FAT3: variants seen among roughly 807,000 people sequenced by gnomAD.
The protein encoded by FAT3 is FAT atypical cadherin 3, also known as protocadherin Fat 3.
Under a neutral mutation model 310.2 loss-of-function variants are expected in FAT3, and 95 were observed. The observed-to-expected ratio is 0.31, with a 90% CI of 0.26 to 0.36. The LOEUF is 0.36. Ranked by LOEUF, FAT3 falls within the 10% of genes least tolerant of loss-of-function variation. The probability of loss-of-function intolerance (pLI) is 1.00; values close to 1 mark genes in which losing one functional copy is unlikely to be tolerated. For synonymous variants in FAT3, 2,314 were observed against 2,192.9 expected, an observed-to-expected ratio of 1.06 and a Z score of -1.54; for missense variants, 5,408 against 5,715.6, an observed-to-expected ratio of 0.95 and a Z score of 1.74.
intron 3 of FAT3, among the ~76,000 whole-genome samples, chr11:92,549,576 A>G (rs1264519284): frequency 6.8e-6 from 1 of 147,742 alleles, no homozygotes; most frequent in Non-Finnish European, 1.5e-5. Flanking sequence ...CTTAAGGTAC[A>G]GGTTGATGAT....
chr11:92,733,837 G>A (rs1033986109), intron 4 of FAT3, among the ~76,000 whole-genome samples: 2 of 152,176 alleles, frequency 1.3e-5, no homozygotes, highest in African/African-American at 2.4e-5. Context: ...CAATAGAGAT[G>A]ATTGTTTAGG....
chr11:92,353,153 A>G lies in FAT3; in HGVS notation c.1041A>G (p.Ala347=), dbSNP rs777332804. 3.0e-5 allele frequency: 49 copies of G among 1,613,602 alleles called. 1 individual carries two copies. The South Asian group carries it at 5.3e-4, about 17-fold the overall frequency. ...FPYGYNLTLQ[A]KDKGSPQKCS... The stretch of plus-strand genomic sequence containing the variant: ...ATGGCTACAATCTCACTCTTCAAGC[A>G]AAAGACAAGGGATCTCCTCAAAAAT... The change falls in exon 2 of 28, where the codon GCA becomes GCG. Residue 347 remains alanine (A), a synonymous_variant. Transcript: ENST00000525166.
intron 2 of FAT3, among the ~76,000 whole-genome samples, chr11:92,467,958 A>G (rs1245303414): frequency 4.6e-5 from 7 of 152,212 alleles, no homozygotes; most frequent in Non-Finnish European, 1.0e-4. Flanking sequence ...ATTGGGAGTG[A>G]GCATATGACA....
rs184494563 is a variant in FAT3, at chr11:92,420,807, A to G, written c.3292+65403A>G. Among the ~76,000 whole-genome samples the G allele has an allele frequency of 3.5e-4, 54 of 152,220 alleles. No homozygotes were observed. In the East Asian group the frequency reaches 7.1e-3, roughly 20 times the overall value. Reference sequence around the variant, plus strand: ...AAAGGAACACTTGATTCCCAATTATACTATTTTTCCTTTTTATCAAATTGC... The same window carrying G: ...AAAGGAACACTTGATTCCCAATTATGCTATTTTTCCTTTTTATCAAATTGC... On this transcript the variant is annotated intron_variant, in intron 2 of 27. Coordinates refer to ENST00000525166, the MANE Select transcript of FAT3 (RefSeq NM_001367949.2).
At chr11:92,624,926 A>T (rs910743860) in intron 3 of FAT3, among the ~76,000 whole-genome samples, 11 of 152,210 alleles carry the variant, frequency 7.2e-5, no homozygotes, top group African/African-American at 2.7e-4. Flanking sequence ...ATGTCTCTTC[A>T]CATCACCTTC....
intron 1 of FAT3, among the ~76,000 whole-genome samples, chr11:92,290,375 C>T (rs1259528641): frequency 1.3e-5 from 2 of 152,122 alleles, no homozygotes; most frequent in Non-Finnish European, 2.9e-5. Flanking sequence ...CATAATAAGC[C>T]ATCAGGATAT....
intron 13 of FAT3, among the ~76,000 whole-genome samples, chr11:92,819,185 G>T (rs1241809880): frequency 6.6e-6 from 1 of 152,122 alleles, no homozygotes; most frequent in Non-Finnish European, 1.5e-5. Context: ...GCCACAGGAG[G>T]GTTGGTTAAC....
chr11:92,765,068 C>T lies in FAT3; in HGVS notation c.4174C>T (p.Pro1392Ser), dbSNP rs1289918535. Residue 1392 changes from proline to serine, a missense_variant, in exon 6 of 28, where the codon CCT (proline) becomes TCT (serine). Physicochemically the swap from Pro to Ser is moderately conservative, Grantham distance 74. Coordinates refer to ENST00000525166, the MANE Select transcript of FAT3 (RefSeq NM_001367949.2). ...GVVSVQPANT[P>S]LWFDIVGGNF... ...GGTGTCTGTGCAGCCAGCTAACACC[C>T]CTCTGTGGTTTGACATAGTTGGTAA... 2.5e-6 allele frequency: 4 copies of T among 1,613,278 alleles called. No individual in the cohort carries two copies. The highest frequency in any genetic ancestry group is 2.2e-5 in the East Asian group (1 of 44,858).
chr11:92,585,309 G>C (rs1939077702), intron 3 of FAT3, among the ~76,000 whole-genome samples: 1 of 151,922 alleles, frequency 6.6e-6, no homozygotes, highest in African/African-American at 2.4e-5. Flanking sequence ...ATTCTTGCCA[G>C]GACATCTTAA....
intron 1 of FAT3, among the ~76,000 whole-genome samples, chr11:92,260,916 G>A (rs1460589673): frequency 6.6e-6 from 1 of 152,032 alleles, no homozygotes; most frequent in Admixed American, 6.6e-5. Flanking sequence ...ACTTAAGTGT[G>A]GGTATCCTGT....
intron 3 of FAT3, among the ~76,000 whole-genome samples, chr11:92,565,718 C>A (rs1158913353): frequency 6.6e-6 from 1 of 151,232 alleles, no homozygotes; most frequent in African/African-American, 2.4e-5. Context: ...CCCTGGGATG[C>A]AAGGCTGGTT....
At chr11:92,227,926 T>TA (rs1421712178) in intron 1 of FAT3, among the ~76,000 whole-genome samples, 2 of 151,730 alleles carry the variant, frequency 1.3e-5, no homozygotes, top group South Asian at 4.2e-4. Context: ...TTTTTTTATT[T>TA]TTTTTTTAAC....
intron 2 of FAT3, among the ~76,000 whole-genome samples, chr11:92,482,334 G>T (rs562535863): frequency 6.6e-6 from 1 of 152,160 alleles, no homozygotes; most frequent in South Asian, 2.1e-4. Flanking sequence ...GTAGCCATTG[G>T]TAACTCTTGG....
chr11:92,749,085 A>G (rs1945754552), intron 4 of FAT3: 1 of 152,222 alleles, frequency 6.6e-6, no homozygotes, highest in South Asian at 2.1e-4. Context: ...AAGAGGAGAT[A>G]AAGTTTCTTT....
chr11:92,641,549 A>T (rs911895800), intron 3 of FAT3, among the ~76,000 whole-genome samples: 1 of 151,836 alleles, frequency 6.6e-6, no homozygotes, highest in African/African-American at 2.4e-5. Flanking sequence ...AGGCTGCGTC[A>T]CTCCAATCTC....
intron 4 of FAT3, among the ~76,000 whole-genome samples, chr11:92,704,080 A>C (rs1273773925): frequency 6.6e-6 from 1 of 152,196 alleles, no homozygotes; most frequent in African/African-American, 2.4e-5. Flanking sequence ...GCTTATTGAA[A>C]TGTGGCAAAT....
chr11:92,343,741 T>C (rs1948335471), intron 1 of FAT3, among the ~76,000 whole-genome samples: 3 of 152,194 alleles, frequency 2.0e-5, no homozygotes. Flanking sequence ...ATGACAAGTA[T>C]TGGAACAGTT....
intron 3 of FAT3, among the ~76,000 whole-genome samples, chr11:92,608,720 C>CAATAATAATAATAATAATAATAAT (rs9299904): frequency 0.067 from 9,714 of 145,012 alleles, 408 homozygotes; most frequent in African/African-American, 0.098. Context: ...CTGAATTCAG[C>CAATAATAATAATAATAATAATAAT]AATAATAATA....
At chr11:92,766,282 G>A (rs546768699) in intron 6 of FAT3, among the ~76,000 whole-genome samples, 2 of 152,202 alleles carry the variant, frequency 1.3e-5, no homozygotes, top group Non-Finnish European at 2.9e-5. Flanking sequence ...AGTGTGTGTC[G>A]CCCAATCCGA....
Sources: gnomAD v4.1 joint callset for allele counts (sites outside exome capture counted in the v4.1 genomes callset) on GRCh38, gnomAD v4.1.1 for gene constraint, MANE v1.5 for transcripts, NCBI Gene and HGNC (gene_info 2026-07-23, HGNC 2026-07-21) for gene names.